The following BMPER variants were observed in gnomAD, a reference collection of about 807,000 sequenced individuals.
The protein encoded by BMPER is BMP binding endothelial regulator.
BMPER carries 45 observed loss-of-function variants against 87.3 expected under a neutral mutation model. The observed-to-expected ratio is 0.52, with a 90% CI of 0.41 to 0.66. The LOEUF (loss-of-function observed/expected upper bound fraction) is 0.66, where lower values mean the gene tolerates loss of function less well. BMPER is among the 30% of genes least tolerant of loss of function. The pLI is 0.00. For missense variants in BMPER, 784 were observed against 867.5 expected (o/e 0.90, Z 1.21); for synonymous variants, 326 against 316.2 (o/e 1.03, Z -0.33).
intron 6 of BMPER, among the ~76,000 whole-genome samples, chr7:34,020,290 T>C (rs976439190): frequency 3.3e-5 from 5 of 151,978 alleles, no homozygotes; most frequent in Admixed American, 1.3e-4. Context: ...GCAAATGTGT[T>C]CAGTGTTTCC....
At chr7:34,036,420 T>C (rs769639511) in intron 6 of BMPER, among the ~76,000 whole-genome samples, 1 of 152,104 alleles carries the variant, frequency 6.6e-6, no homozygotes, top group Non-Finnish European at 1.5e-5. Context: ...TTATTGATCG[T>C]TTCAGAGAGG....
chr7:33,943,689 C>T (rs1388481036), intron 3 of BMPER, among the ~76,000 whole-genome samples: 7 of 152,188 alleles, frequency 4.6e-5, no homozygotes, highest in African/African-American at 1.7e-4. Flanking sequence ...AGCCCTTTCT[C>T]CGTAAAAGAT....
intron 13 of BMPER, among the ~76,000 whole-genome samples, chr7:34,104,346 G>A (rs1326471414): frequency 1.3e-5 from 2 of 152,192 alleles, no homozygotes; most frequent in Non-Finnish European, 2.9e-5. Flanking sequence ...TGTCATTCAT[G>A]TTTATGTTCC....
chr7:34,091,901 C>T, intron 13 of BMPER, among the ~76,000 whole-genome samples: 1 of 152,154 alleles, frequency 6.6e-6, no homozygotes, highest in South Asian at 2.1e-4. Flanking sequence ...AACTCATGTT[C>T]TATGTTGCAC....
chr7:34,136,733 A>T (rs1283206611), intron 13 of BMPER, among the ~76,000 whole-genome samples: 1 of 152,250 alleles, frequency 6.6e-6, no homozygotes, highest in Admixed American at 6.5e-5. Flanking sequence ...CATTGCTCCC[A>T]GGAAAGCTGA....
intron 6 of BMPER, among the ~76,000 whole-genome samples, chr7:34,010,956 AATTTGTGAG>A (rs1226341959): frequency 1.3e-5 from 2 of 151,876 alleles, no homozygotes; most frequent in Non-Finnish European, 2.9e-5. Context: ...ATGCCTTTTT[AATTTGTGAG>A]ATTTGTGAAT....
chr7:34,016,885 G>A lies in BMPER; in HGVS notation c.577-29421G>A, dbSNP rs527675598. Among the ~76,000 whole-genome samples, 24 of 151,974 alleles carry A rather than the reference G, an allele frequency of 1.6e-4. 2 individuals carry two copies. In the South Asian group the frequency reaches 4.8e-3, roughly 30 times the overall value. On this transcript the variant is annotated intron_variant, in intron 6 of 14. Coordinates refer to ENST00000649409, the MANE Select transcript of BMPER (RefSeq NM_001365308.1). ...TAAACTTTGAATTTTCAGGTAAAAT[G>A]TTGGTGTTAGTCAATGTTGTTGTTG... is the stretch of plus-strand genomic sequence containing the variant.
chr7:34,136,974 G>T (rs1420954624), intron 13 of BMPER, among the ~76,000 whole-genome samples: 1 of 152,240 alleles, frequency 6.6e-6, no homozygotes, highest in Non-Finnish European at 1.5e-5. Flanking sequence ...CATGGCCCTT[G>T]TGCCAGAGAA....
chr7:34,060,837 T>C (rs1029615445), intron 10 of BMPER, among the ~76,000 whole-genome samples: 1 of 152,146 alleles, frequency 6.6e-6, no homozygotes, highest in Non-Finnish European at 1.5e-5. Context: ...ATTTAAATGA[T>C]AAAGTATGAG....
chr7:34,039,337 G>T (rs572847521), intron 6 of BMPER, among the ~76,000 whole-genome samples: 10 of 152,274 alleles, frequency 6.6e-5, no homozygotes, highest in African/African-American at 2.4e-4. Context: ...CTGGACTGTG[G>T]TTTGAGGAAT....
In BMPER at chr7:33,970,412, A is replaced by G. The variant is rs373067764; in HGVS notation, c.486A>G (p.Thr162=). ...PLEHLGMCCP[T]CPGCVFEGVQ... ...AGCATCTGGGAATGTGCTGCCCCAC[A>G]TGTCCAGGTAACGTTCTCAGGAAGG... Residue 162 remains threonine, a synonymous_variant, in exon 5 of 15, where the codon ACA becomes ACG. Transcript: ENST00000649409. The G allele has an allele frequency of 4.3e-6, 7 of 1,613,838 alleles. No homozygotes were observed. The highest frequency in any genetic ancestry group is 2.2e-5 in the East Asian group (1 of 44,892).
At chr7:33,993,030 T>G in intron 6 of BMPER, among the ~76,000 whole-genome samples, 4 of 139,272 alleles carry the variant, frequency 2.9e-5, no homozygotes, top group Admixed American at 7.2e-5. Context: ...ACCCGACCTT[T>G]CTCTCTGGCT....
At chr7:34,016,558 C>T (rs1001712211) in intron 6 of BMPER, among the ~76,000 whole-genome samples, 1 of 151,896 alleles carries the variant, frequency 6.6e-6, no homozygotes, top group Admixed American at 6.6e-5. Flanking sequence ...ATTTTAAGAT[C>T]ACACCTGCAA....
intron 13 of BMPER, among the ~76,000 whole-genome samples, chr7:34,098,109 A>G (rs1367241318): frequency 6.6e-6 from 1 of 152,182 alleles, no homozygotes; most frequent in Non-Finnish European, 1.5e-5. Flanking sequence ...CCAGAATTAG[A>G]ATCCAGAGTC....
chr7:33,933,064 C>G (rs900503843), intron 2 of BMPER, among the ~76,000 whole-genome samples: 1 of 152,188 alleles, frequency 6.6e-6, no homozygotes, highest in East Asian at 1.9e-4. Context: ...CGTGGCAGAT[C>G]TCAGACACAG....
In BMPER at chr7:33,906,795, C is replaced by T. The variant is rs764092092; in HGVS notation, c.134-23C>T. On this transcript the variant is annotated intron_variant, in intron 1 of 14. Transcript: ENST00000649409. ...GCTGCTAAGCTAACTTTAAATGAAACATTTTTCCCCCCTGAATTTCAGGTT... is the reference window on the plus strand; with the variant it reads ...GCTGCTAAGCTAACTTTAAATGAAATATTTTTCCCCCCTGAATTTCAGGTT... 3 of 1,597,954 alleles carry T rather than the reference C, an allele frequency of 1.9e-6. No homozygotes were observed. The South Asian group carries it at 3.3e-5, about 18-fold the overall frequency.
chr7:34,113,373 G>C (rs1790030858), intron 13 of BMPER, among the ~76,000 whole-genome samples: 1 of 151,750 alleles, frequency 6.6e-6, no homozygotes, highest in Non-Finnish European at 1.5e-5. Flanking sequence ...GTGGTTTATA[G>C]GTTTTCCCTT....
chr7:33,934,674 A>G (rs1200093874), intron 2 of BMPER, among the ~76,000 whole-genome samples: 1 of 152,188 alleles, frequency 6.6e-6, no homozygotes. Context: ...CAGAGTTCCT[A>G]TATTTAAGCG....
intron 3 of BMPER, among the ~76,000 whole-genome samples, chr7:33,940,983 A>C (rs1336696624): frequency 7.4e-6 from 1 of 135,092 alleles, no homozygotes; most frequent in Non-Finnish European, 1.5e-5. Context: ...ATTTATATAT[A>C]TTATATATTT....
Sources: gnomAD v4.1 joint callset for allele counts (sites outside exome capture counted in the v4.1 genomes callset) on GRCh38, gnomAD v4.1.1 for gene constraint, MANE v1.5 for transcripts, NCBI Gene and HGNC (gene_info 2026-07-23, HGNC 2026-07-21) for gene names.